PHC1: variants seen among roughly 807,000 people sequenced by gnomAD.
PHC1 encodes polyhomeotic homolog 1, also known as polyhomeotic-like protein 1.
A neutral mutation model predicts 104.3 loss-of-function variants in PHC1; 12 were observed. That is an observed-to-expected ratio of 0.12 (90% CI 0.07 to 0.19). The LOEUF (loss-of-function observed/expected upper bound fraction) is 0.19, where lower values mean the gene tolerates loss of function less well. PHC1 is among the 10% of genes least tolerant of loss of function. The pLI is 1.00. For missense variants in PHC1, 671 were observed against 1,200.0 expected, an observed-to-expected ratio of 0.56 and a Z score of 6.51; for synonymous variants, 302 against 455.8, an observed-to-expected ratio of 0.66 and a Z score of 4.30.
chr12:8,927,888 TCTTTCTTTCTTTCTTTCTTTC>T (rs1565517461), intron 6 of PHC1, among the ~76,000 whole-genome samples: 1 of 112,642 alleles, frequency 8.9e-6, no homozygotes, highest in Admixed American at 8.9e-5. Flanking sequence ...TTTCTTTCTT[TCTTTCTTTCTTTCTTTCTTTC>T]TTTCTTTTTT....
intron 11 of PHC1, among the ~76,000 whole-genome samples, 194 bp downstream of exon 11, chr12:8,935,432 T>G (rs1219976748): frequency 6.6e-6 from 1 of 152,046 alleles, no homozygotes; most frequent in Non-Finnish European, 1.5e-5. Flanking sequence ...TTGAGACCAG[T>G]CTGGCCAACA....
At chr12:8,934,204 C>G in intron 9 of PHC1, 63 bp from the exon 10 acceptor site, 8 of 1,384,490 alleles carry the variant, frequency 5.8e-6, no homozygotes, top group Non-Finnish European at 8.1e-6. Flanking sequence ...CATGCTGGCT[C>G]AACTAATAGA....
At chr12:8,936,793 TA>T in intron 11 of PHC1, 62 bp from the exon 12 acceptor site, 1 of 1,018,772 alleles carries the variant, frequency 9.8e-7, no homozygotes, top group Non-Finnish European at 1.5e-6. Flanking sequence ...GCTCTGAGCC[TA>T]ATGATTGCCT....
intron 3 of PHC1, 28 bp from the exon 4 acceptor site, chr12:8,920,957 A>G: frequency 6.5e-7 from 1 of 1,541,942 alleles, no homozygotes; most frequent in Non-Finnish European, 8.9e-7. Context: ...TGTCTTTGCT[A>G]TTTCTTGTTT....
upstream of PHC1, chr12:8,913,850 A>G (rs1325838295): frequency 6.6e-6 from 1 of 152,186 alleles, no homozygotes. Context: ...CTTAAATGCT[A>G]TCCAAAGGAA....
chr12:8,938,106 T>TC, intron 14 of PHC1, 46 bp downstream of exon 14: 2 of 1,340,886 alleles, frequency 1.5e-6, no homozygotes, highest in South Asian at 2.4e-5. Flanking sequence ...TTCCTTAACA[T>TC]CATCCCACAG....
At chr12:8,923,829 C>CAAAAAAAAA (rs67936637) in intron 6 of PHC1, among the ~76,000 whole-genome samples, 1 of 122,464 alleles carries the variant, frequency 8.2e-6, no homozygotes, top group Non-Finnish European at 1.6e-5. Flanking sequence ...GACTCCGTCT[C>CAAAAAAAAA]AAAAAAAAAA....
intron 1 of PHC1, among the ~76,000 whole-genome samples, chr12:8,915,601 C>G (rs756000380): frequency 6.6e-6 from 1 of 152,178 alleles, no homozygotes; most frequent in Non-Finnish European, 1.5e-5. Flanking sequence ...CTTAGCTACT[C>G]TGGGGGCATC....
chr12:8,919,890 C>T lies in PHC1; in HGVS notation c.225+24C>T, dbSNP rs377172882. Reference sequence around the variant, plus strand: ...AGGTGAGAGGTCAGCAGCCAGCTGGCCCGAGAGGGAGGGGACAGGCACTAC... The same window carrying T: ...AGGTGAGAGGTCAGCAGCCAGCTGGTCCGAGAGGGAGGGGACAGGCACTAC... On this transcript the variant is annotated intron_variant, in intron 3 of 14. Coordinates refer to ENST00000544916, the MANE Select transcript of PHC1 (RefSeq NM_004426.3). This position sits in a 1 kb window ranked among gnomAD's most constrained non-coding sequence, Gnocchi z 4.9. The T allele has an allele frequency of 1.9e-6, 3 of 1,586,940 alleles. No individual in the cohort carries two copies. Among genetic ancestry groups the T allele is most frequent in the South Asian group, 1.1e-5 (1 of 88,110 alleles).
intron 8 of PHC1, 140 bp from the exon 9 acceptor site, chr12:8,933,725 A>G: frequency 1.4e-6 from 1 of 690,870 alleles, no homozygotes; most frequent in Non-Finnish European, 2.4e-6. Flanking sequence ...ATGACCAGGA[A>G]TTTTAGTGTA....
intron 6 of PHC1, among the ~76,000 whole-genome samples, chr12:8,927,944 T>A (rs1945576254): frequency 6.7e-6 from 1 of 148,156 alleles, no homozygotes; most frequent in South Asian, 2.2e-4. Context: ...AGAGTCTCTG[T>A]TGCTCAGGCT....
Position 8,936,923 on chromosome 12 carries a change from T to C in PHC1, c.2436T>C (p.Phe812=). ...GGAAGTACGCCCCCGCAGAGCAGTT[T>C]CGTGGCTCTAAGAGGTTCTGCTCCA... ...YCGKYAPAEQ[F]RGSKRFCSMT... The change falls in exon 12 of 15, where the codon TTT becomes TTC. Residue 812 remains phenylalanine, a synonymous_variant. Transcript: ENST00000544916. The C allele has an allele frequency of 6.2e-7, 1 of 1,613,334 alleles. No homozygotes were observed. Among genetic ancestry groups the C allele is most frequent in the South Asian group, 1.1e-5 (1 of 90,990 alleles).
intron 13 of PHC1, 142 bp downstream of exon 13, chr12:8,937,468 G>A (rs1261167260): frequency 5.1e-6 from 4 of 782,086 alleles, no homozygotes; most frequent in Non-Finnish European, 7.9e-6. Flanking sequence ...AATTCCAAGA[G>A]ATCCTGACCC....
At chr12:8,921,878 A>G in intron 5 of PHC1, 128 bp downstream of exon 5, 2 of 844,856 alleles carry the variant, frequency 2.4e-6, no homozygotes, top group South Asian at 1.9e-5. Context: ...CAGTGGCACA[A>G]TAATGGCTCA....
intron 6 of PHC1, among the ~76,000 whole-genome samples, chr12:8,929,667 A>G (rs147773647): frequency 1.4e-4 from 22 of 151,950 alleles, no homozygotes; most frequent in Non-Finnish European, 2.9e-4. Flanking sequence ...AGCTGGGACT[A>G]CAGGTGTTTG....
chr12:8,927,900 TCTTTC>T (rs1945569569), intron 6 of PHC1, among the ~76,000 whole-genome samples: 2 of 115,826 alleles, frequency 1.7e-5, no homozygotes, highest in African/African-American at 4.1e-5. Flanking sequence ...TTTCTTTCTT[TCTTTC>T]TTTCTTTCTT....
chr12:8,933,404 G>T, intron 8 of PHC1, 54 bp downstream of exon 8: 1 of 1,473,826 alleles, frequency 6.8e-7, no homozygotes, highest in South Asian at 1.4e-5. Context: ...AGTGGACCTG[G>T]GCTAAGTGGA....
rs1258212980 is a variant in PHC1 at position 8,919,090 on chromosome 12, G to A, written c.115-666G>A. ...CTCTGTTTTTTTGAGATGGAGTTTC[G>A]CTCCTGTTGCCCAGGCTGCAGTGCA... On this transcript the variant is annotated intron_variant, in intron 2 of 14. Coordinates refer to ENST00000544916, the MANE Select transcript of PHC1 (RefSeq NM_004426.3). The surrounding 1 kb of genome is among the most constrained non-coding windows in gnomAD (Gnocchi z 4.9). Among the ~76,000 whole-genome samples, 6 of 152,068 alleles carry A rather than the reference G, an allele frequency of 3.9e-5. No individual in the cohort carries two copies. Among genetic ancestry groups the A allele is most frequent in the South Asian group, 2.1e-4 (1 of 4,814 alleles).
At chr12:8,930,330 G>A (rs1945645645) in intron 6 of PHC1, 105 bp from the exon 7 acceptor site, 1 of 1,483,756 alleles carries the variant, frequency 6.7e-7, no homozygotes, top group African/African-American at 1.4e-5. Flanking sequence ...ACGAGCTGAG[G>A]TATTCTGTGG....
Sources: allele counts gnomAD v4.1 joint callset (sites outside exome capture counted in the v4.1 genomes callset), GRCh38; gene constraint gnomAD v4.1.1; non-coding constraint Gnocchi (gnomAD v3.1); transcripts MANE v1.5; gene names NCBI Gene and HGNC (gene_info 2026-07-23, HGNC 2026-07-21).